Variants in NSUN4 observed in about 807,000 individuals in gnomAD.
NSUN4 encodes 5-cytosine rRNA methyltransferase NSUN4.
A neutral mutation model predicts 43.8 loss-of-function variants in NSUN4; 31 were observed. The ratio of observed to expected loss-of-function variants is 0.71; its 90% CI spans 0.53 to 0.96. The LOEUF (loss-of-function observed/expected upper bound fraction) is 0.96, where lower values mean the gene tolerates loss of function less well. NSUN4 is among the 40% of genes least tolerant of loss of function. The pLI is 0.00. For missense variants in NSUN4, 439 were observed against 475.6 expected, an observed-to-expected ratio of 0.92 and a Z score of 0.72; for synonymous variants, 167 against 184.1, an observed-to-expected ratio of 0.91 and a Z score of 0.75.
intron 3 of NSUN4, among the ~76,000 whole-genome samples, chr1:46,349,927 G>GGCA (rs1410682179): frequency 6.6e-6 from 1 of 152,114 alleles, no homozygotes; most frequent in African/African-American, 2.4e-5. Flanking sequence ...GTAATTGAGA[G>GGCA]TTGTTCTTCT....
At chr1:46,340,980 C>T in intron 1 of NSUN4, 61 bp downstream of exon 1, 2 of 1,445,772 alleles carry the variant, frequency 1.4e-6, no homozygotes, top group Non-Finnish European at 1.9e-6. Flanking sequence ...CCAGTCTTTC[C>T]GTTTCCCGGC....
chr1:46,377,629 T>G, the NSUN4 span, among the ~76,000 whole-genome samples: 1 of 152,208 alleles, frequency 6.6e-6, no homozygotes, highest in Admixed American at 6.5e-5. Flanking sequence ...AATATGTAGC[T>G]CTCATGATCC....
In NSUN4 at chr1:46,343,181, G is replaced by C. The variant is rs916141395; in HGVS notation, c.94-1620G>C. ...CACTGTCTGGCTCCCTCAATCATTC[G>C]ACAGGCCCCCCTCCCATTGTGCCCC... is the stretch of plus-strand genomic sequence containing the variant. On this transcript the variant is annotated intron_variant, in intron 1 of 5. Coordinates refer to ENST00000474844, the MANE Select transcript of NSUN4 (RefSeq NM_199044.4). The C allele has an allele frequency of 8.5e-6, 3 of 351,674 alleles. No individual in the cohort carries two copies. In the African/African-American group the frequency reaches 8.8e-5, roughly 10 times the overall value. 21.8% of individuals were successfully genotyped at this position (351,674 alleles called of 1,614,324 possible).
downstream of NSUN4, among the ~76,000 whole-genome samples, chr1:46,368,825 G>A (rs947023631): frequency 4.6e-5 from 7 of 152,194 alleles, no homozygotes; most frequent in African/African-American, 9.7e-5. Flanking sequence ...GGCCAAGGCA[G>A]GAGGGTCGCT....
chr1:46,374,289 C>CAAAAAAA, the NSUN4 span, among the ~76,000 whole-genome samples: 27 of 42,904 alleles, frequency 6.3e-4, no homozygotes, highest in African/African-American at 2.4e-3. Flanking sequence ...TCTGTCTCAC[C>CAAAAAAA]AAAAAAAAAA....
At chr1:46,348,808 GTTTTTTT>G (rs869234807) in intron 3 of NSUN4, among the ~76,000 whole-genome samples, 2 of 77,868 alleles carry the variant, frequency 2.6e-5, no homozygotes, top group African/African-American at 5.2e-5. Context: ...CTTGTGCACT[GTTTTTTT>G]TTTTTTTTTT....
intron 4 of NSUN4, among the ~76,000 whole-genome samples, chr1:46,353,702 C>T (rs1444808797): frequency 6.6e-6 from 1 of 152,064 alleles, no homozygotes; most frequent in East Asian, 1.9e-4. Flanking sequence ...TGGTCTTGAC[C>T]TCCTGACCTC....
At chr1:46,373,278 C>G in the NSUN4 span, among the ~76,000 whole-genome samples, 1 of 152,232 alleles carries the variant, frequency 6.6e-6, no homozygotes. Flanking sequence ...CCAAATTCTT[C>G]CAGCCTCTGC....
downstream of NSUN4, among the ~76,000 whole-genome samples, chr1:46,366,287 G>A (rs1664130667): frequency 6.6e-6 from 1 of 152,134 alleles, no homozygotes; most frequent in East Asian, 1.9e-4. Flanking sequence ...GTAAAACCAT[G>A]TAAGAAGGAA....
chr1:46,347,201 G>C, intron 3 of NSUN4, 126 bp downstream of exon 3: 1 of 974,016 alleles, frequency 1.0e-6, no homozygotes, highest in Non-Finnish European at 1.5e-6. Flanking sequence ...ACTTTGGGAA[G>C]CCGAGGGAGG....
the NSUN4 span, among the ~76,000 whole-genome samples, chr1:46,381,443 CACT>C: frequency 1.3e-5 from 2 of 152,188 alleles, no homozygotes; most frequent in African/African-American, 4.8e-5. Context: ...CCTCCAAACC[CACT>C]CCTAACCCCT....
At chr1:46,342,755 GAAGTCCCCT>G in intron 1 of NSUN4, 3 of 376,574 alleles carry the variant, frequency 8.0e-6, no homozygotes, top group Middle Eastern at 1.3e-3. Flanking sequence ...CCCCCCAACC[GAAGTCCCCT>G]AAGTCCCCAG....
intron 3 of NSUN4, among the ~76,000 whole-genome samples, chr1:46,349,989 C>T (rs144805184): frequency 4.3e-4 from 66 of 152,256 alleles, no homozygotes; most frequent in Non-Finnish European, 7.6e-4. Flanking sequence ...CCTCATCAAG[C>T]GACAACTCTT....
intron 2 of NSUN4, among the ~76,000 whole-genome samples, chr1:46,346,630 G>A (rs551067333): frequency 2.6e-5 from 4 of 151,796 alleles, no homozygotes; most frequent in East Asian, 3.9e-4. Flanking sequence ...AGGCTGAGAC[G>A]GGAGAATCAC....
chr1:46,365,127 A>T (rs541149863), downstream of NSUN4: 1 of 152,200 alleles, frequency 6.6e-6, no homozygotes, highest in Admixed American at 6.5e-5. Context: ...GACTTCTTTG[A>T]CTTAGTGTAA....
At chr1:46,366,103 G>C (rs1664127682), downstream of NSUN4, among the ~76,000 whole-genome samples, 1 of 152,122 alleles carries the variant, frequency 6.6e-6, no homozygotes, top group Non-Finnish European at 1.5e-5. Context: ...ACTCCAGCCT[G>C]GGCAACAGAG....
chr1:46,352,122 T>G (rs1663037802), intron 3 of NSUN4, among the ~76,000 whole-genome samples: 1 of 149,046 alleles, frequency 6.7e-6, no homozygotes, highest in South Asian at 2.2e-4. Context: ...TGAGCCACTA[T>G]GCCCAGACTC....
At chr1:46,374,616 A>G in the NSUN4 span, among the ~76,000 whole-genome samples, 1 of 144,502 alleles carries the variant, frequency 6.9e-6, no homozygotes, top group Non-Finnish European at 1.6e-5. Context: ...CTCAAAAAAA[A>G]TTAAAAATAA....
chr1:46,358,778 T>C (rs1480643979), intron 4 of NSUN4, among the ~76,000 whole-genome samples: 1 of 152,238 alleles, frequency 6.6e-6, no homozygotes, highest in Non-Finnish European at 1.5e-5. Context: ...TTTGTTTTTC[T>C]TTTAACTTCT....
Sources: allele counts gnomAD v4.1 joint callset (sites outside exome capture counted in the v4.1 genomes callset), GRCh38; gene constraint gnomAD v4.1.1; transcripts MANE v1.5; gene names NCBI Gene and HGNC (gene_info 2026-07-23, HGNC 2026-07-21).